ENTREP2: variants seen among roughly 807,000 people sequenced by gnomAD.
ENTREP2 encodes the protein endosomal transmembrane epsin interactor 2.
At chr15:29,273,659 G>A in the ENTREP2 span, among the ~76,000 whole-genome samples, 2 of 152,238 alleles carry the variant, frequency 1.3e-5, no homozygotes, top group East Asian at 3.9e-4. Flanking sequence ...GTTCAATCTG[G>A]GTGGGCACCA....
At chr15:29,405,790 A>G in the ENTREP2 span, among the ~76,000 whole-genome samples, 8 of 152,332 alleles carry the variant, frequency 5.3e-5, no homozygotes, top group African/African-American at 1.4e-4. Context: ...GGCACGCACA[A>G]GGTTGGCCAG....
At chr15:29,504,143 G>A in the ENTREP2 span, among the ~76,000 whole-genome samples, 1 of 152,132 alleles carries the variant, frequency 6.6e-6, no homozygotes, top group African/African-American at 2.4e-5. Flanking sequence ...TGACATTAAG[G>A]TGCCCCAGGA....
chr15:29,511,831 G>A, the ENTREP2 span, among the ~76,000 whole-genome samples: 1 of 146,856 alleles, frequency 6.8e-6, no homozygotes, highest in East Asian at 2.0e-4. Flanking sequence ...GCCAACAACT[G>A]TAAGGCACAC....
chr15:29,143,083 C>T, the ENTREP2 span, among the ~76,000 whole-genome samples: 1 of 152,160 alleles, frequency 6.6e-6, no homozygotes, highest in Non-Finnish European at 1.5e-5. Flanking sequence ...AGTTAATGAT[C>T]CCAAATTGCT....
the ENTREP2 span, among the ~76,000 whole-genome samples, chr15:29,645,281 GA>G: frequency 6.6e-6 from 1 of 151,874 alleles, no homozygotes; most frequent in African/African-American, 2.4e-5. Context: ...TCTAAATGGT[GA>G]AAAAAAATAG....
chr15:29,365,968 AC>A, the ENTREP2 span, among the ~76,000 whole-genome samples: 10 of 152,138 alleles, frequency 6.6e-5, no homozygotes, highest in Non-Finnish European at 1.5e-4. Flanking sequence ...TCTGATGTAG[AC>A]CCAAATCTAA....
chr15:29,639,768 C>CTTTTTTTTT, the ENTREP2 span, among the ~76,000 whole-genome samples: 167 of 127,218 alleles, frequency 1.3e-3, 2 homozygotes, highest in African/African-American at 4.6e-3. Context: ...TTTTTGTTTG[C>CTTTTTTTTT]TTTTTTTTTT....
At chr15:29,527,715 G>A in the ENTREP2 span, among the ~76,000 whole-genome samples, 1 of 152,026 alleles carries the variant, frequency 6.6e-6, no homozygotes, top group Non-Finnish European at 1.5e-5. Context: ...ATAGAAGCTG[G>A]ACTCCTCTCC....
the ENTREP2 span, among the ~76,000 whole-genome samples, chr15:29,349,113 A>C: frequency 2.0e-5 from 3 of 152,182 alleles, no homozygotes; most frequent in Non-Finnish European, 2.9e-5. Context: ...AGACCCCCCG[A>C]AAGTTCACAG....
chr15:29,303,073 C>G, the ENTREP2 span, among the ~76,000 whole-genome samples: 1 of 152,152 alleles, frequency 6.6e-6, no homozygotes, highest in Admixed American at 6.5e-5. Context: ...TTTGCATCCA[C>G]TCCACCCTAA....
At chr15:29,320,829 A>C in the ENTREP2 span, among the ~76,000 whole-genome samples, 3 of 152,206 alleles carry the variant, frequency 2.0e-5, no homozygotes, top group African/African-American at 7.2e-5. Flanking sequence ...TCCCAAACTA[A>C]AGTGCAAGAA....
chr15:29,336,826 T>C, the ENTREP2 span, among the ~76,000 whole-genome samples: 2 of 152,158 alleles, frequency 1.3e-5, no homozygotes, highest in African/African-American at 2.4e-5. Flanking sequence ...ATCTACCAGA[T>C]GCCAGCACCC....
the ENTREP2 span, chr15:29,195,234 A>G: frequency 2.0e-6 from 2 of 985,242 alleles, no homozygotes; most frequent in South Asian, 4.7e-5. Context: ...CGTGCAAAAC[A>G]TGACAGGCGC....
the ENTREP2 span, among the ~76,000 whole-genome samples, chr15:29,552,022 TG>T: frequency 2.0e-5 from 3 of 152,176 alleles, no homozygotes; most frequent in African/African-American, 7.2e-5. Flanking sequence ...TGGTTACAGA[TG>T]GTAAATGCTT....
the ENTREP2 span, among the ~76,000 whole-genome samples, chr15:29,301,017 T>G: frequency 6.6e-6 from 1 of 152,244 alleles, no homozygotes; most frequent in East Asian, 1.9e-4. Flanking sequence ...CTATTCATAA[T>G]GGAAGTTCTA....
At chr15:29,325,719 A>G in the ENTREP2 span, among the ~76,000 whole-genome samples, 17 of 152,166 alleles carry the variant, frequency 1.1e-4, no homozygotes, top group Non-Finnish European at 2.1e-4. Context: ...TACAAAACAG[A>G]AGCAGAGGGA....
At chr15:29,206,817 G>A in the ENTREP2 span, among the ~76,000 whole-genome samples, 4 of 152,108 alleles carry the variant, frequency 2.6e-5, no homozygotes, top group Middle Eastern at 3.2e-3. Flanking sequence ...CACAATAAAG[G>A]TGTTTCAGAA....
At chr15:29,286,720 C>A in the ENTREP2 span, among the ~76,000 whole-genome samples, 233 of 152,356 alleles carry the variant, frequency 1.5e-3, 1 homozygote, top group Non-Finnish European at 2.1e-3. Flanking sequence ...AAAGGCTCAG[C>A]AGCCAGCATC....
chr15:29,454,609 C>T, the ENTREP2 span, among the ~76,000 whole-genome samples: 1 of 152,162 alleles, frequency 6.6e-6, no homozygotes, highest in South Asian at 2.1e-4. Context: ...GGCACACAGC[C>T]TCAGAGATGG....
Sources: allele counts gnomAD v4.1 joint callset (sites outside exome capture counted in the v4.1 genomes callset), GRCh38; gene constraint gnomAD v4.1.1; transcripts MANE v1.5; gene names NCBI Gene and HGNC (gene_info 2026-07-23, HGNC 2026-07-21).